Variants in PTPN18 observed in about 807,000 individuals in gnomAD.
PTPN18 encodes the protein tyrosine-protein phosphatase non-receptor type 18.
In PTPN18, 65 loss-of-function variants were observed where a neutral mutation model predicts 65.4. That is an observed-to-expected ratio of 0.99 (90% confidence interval 0.81 to 1.22). PTPN18 has a LOEUF of 1.22. PTPN18 is among the 50% of genes most tolerant of loss of function. PTPN18 has a pLI of 0.00. For missense variants in PTPN18, 616 were observed against 646.5 expected (o/e 0.95, Z 0.51); for synonymous variants, 255 against 267.8 (o/e 0.95, Z 0.47).
chr2:130,358,245 T>C (rs1680055241), intron 1 of PTPN18, among the ~76,000 whole-genome samples: 1 of 152,206 alleles, frequency 6.6e-6, no homozygotes, highest in Admixed American at 6.5e-5. Context: ...TGGCACACAG[T>C]GGTGGCATGG....
intron 5 of PTPN18, among the ~76,000 whole-genome samples, chr2:130,367,050 ATT>A (rs57039741): frequency 0.15 from 16,003 of 103,442 alleles, 1,223 homozygotes; most frequent in East Asian, 0.34. Context: ...GCTAATTTTA[ATT>A]TTTTTTTTTT....
intron 6 of PTPN18, among the ~76,000 whole-genome samples, chr2:130,369,464 C>G (rs1680482542): frequency 6.6e-6 from 1 of 152,158 alleles, no homozygotes; most frequent in Admixed American, 6.5e-5. Flanking sequence ...GCTTGGGGAA[C>G]TCTCTCAAGT....
At chr2:130,369,923 C>G (rs1172115738) in intron 7 of PTPN18, 96 bp downstream of exon 7, 1 of 1,539,740 alleles carries the variant, frequency 6.5e-7, no homozygotes, top group Admixed American at 1.7e-5. Context: ...CCCACTTCCT[C>G]AGTTATTGTC....
At position 130,363,184 on chromosome 2, in the gene PTPN18, C is replaced by T. The variant is rs551262756; in HGVS notation, c.414+3538C>T. Among the ~76,000 whole-genome samples, 524 of 151,514 alleles carry T rather than the reference C, an allele frequency of 3.5e-3. 1 individual carries two copies. Among genetic ancestry groups the T allele is most frequent in the Non-Finnish European group, 5.8e-3 (394 of 67,836 alleles). On this transcript the variant is annotated intron_variant, in intron 5 of 14. Coordinates refer to ENST00000175756, the MANE Select transcript of PTPN18 (RefSeq NM_014369.4). ...AAAATCCAGGCCAGACATGGTGGCT[C>T]ATGCCTGTAATCCCAGCACTTTGGG... is the stretch of plus-strand genomic sequence containing the variant.
At chr2:130,357,219 A>C (rs1680002449) in intron 1 of PTPN18, among the ~76,000 whole-genome samples, 2 of 152,188 alleles carry the variant, frequency 1.3e-5, no homozygotes. Flanking sequence ...CAAACAAAAC[A>C]AAACCAAACA....
rs1680682384 is a variant in PTPN18 at position 130,374,614 on chromosome 2, T to C, written c.*1390T>C. ...CCAAGTCACTGCAAAATGGAAAAAG[T>C]ATAAGATGCTCTTTCCCTGAACCTC... On this transcript the variant is annotated 3_prime_UTR_variant, in exon 15 of 15. Coordinates refer to ENST00000175756, the MANE Select transcript of PTPN18 (RefSeq NM_014369.4). The C allele has an allele frequency of 6.4e-6, 3 of 471,194 alleles. No individual in the cohort carries two copies. Among genetic ancestry groups the C allele is most frequent in the Non-Finnish European group, 1.3e-5 (3 of 227,038 alleles). 29.2% of individuals were successfully genotyped at this position (471,194 alleles called of 1,614,324 possible).
In PTPN18 at chr2:130,369,199, C is replaced by G. The variant is rs137953431; in HGVS notation, c.481C>G (p.Leu161Val). The change falls in exon 6 of 15, where the codon CTG (leucine) becomes GTG (valine). Residue 161 changes from leucine (L) to valine (V), a missense_variant and splice_region_variant. Physicochemically the swap from Leu to Val is conservative, Grantham distance 32. Transcript: ENST00000175756. ...GCAGACTGGGCTTTTCTGCATCACT[C>G]TGGTGAGCTGTGGGAGTTTTCAAGG... ...PLQTGLFCIT[L>V]IKEKWLNEDI... The G allele has an allele frequency of 2.5e-6, 4 of 1,612,480 alleles. No homozygotes were observed. The highest frequency in any genetic ancestry group is 1.1e-5 in the South Asian group (1 of 91,032).
rs144167090 is a variant in PTPN18 at position 130,371,256 on chromosome 2, G to C, written c.982G>C (p.Ala328Pro). 1,397 of 1,608,108 alleles carry C rather than the reference G, an allele frequency of 8.7e-4. 6 individuals are homozygous for C. The highest frequency in any genetic ancestry group is 2.4e-3 in the South Asian group (222 of 90,994). ...CCTCCGGACTCCCCAGGCACTTCTC[G>C]CCATACCCCGCCCACCAGGAGGGGT... ...LFLRTPQALL[A>P]IPRPPGGVLR... is the part of the protein sequence containing the mutation. The change falls in exon 12 of 15, where the codon GCC becomes CCC. Residue 328 changes from alanine (A) to proline (P), a missense_variant. Transcript: ENST00000175756.
chr2:130,372,917 G>A lies in PTPN18; in HGVS notation c.1285G>A (p.Val429Met), dbSNP rs1291708696. 1.6e-5 allele frequency: 26 copies of A among 1,614,060 alleles called. No homozygotes were observed. Among genetic ancestry groups the A allele is most frequent in the Non-Finnish European group, 2.0e-5 (24 of 1,180,042 alleles). ...TGCCGGATCTGGCGCCTACGAGGAC[G>A]TGGCGGGTGGAGCTCAGACCGGTGG... is the stretch of plus-strand genomic sequence containing the variant. The part of the protein sequence containing the change: ...SPAGSGAYED[V>M]AGGAQTGGLG... Residue 429 changes from valine (V) to methionine (M), a missense_variant, in exon 14 of 15, where the codon GTG (valine) becomes ATG (methionine). Physicochemically the swap from Val to Met is conservative, Grantham distance 21. This residue lies in a region of PTPN18 where 368 missense variants were observed against 386.7 expected (regional missense o/e 0.95). Coordinates refer to ENST00000175756, the MANE Select transcript of PTPN18 (RefSeq NM_014369.4).
intron 12 of PTPN18, 134 bp downstream of exon 12, chr2:130,371,421 G>A (rs1322120089): frequency 1.4e-6 from 1 of 732,442 alleles, no homozygotes; most frequent in African/African-American, 1.8e-5. Flanking sequence ...TTGAGCTCTG[G>A]GAACCCACCC....
chr2:130,367,538 G>C (rs1220079104), intron 5 of PTPN18, among the ~76,000 whole-genome samples: 4 of 152,054 alleles, frequency 2.6e-5, no homozygotes, highest in Admixed American at 2.0e-4. Context: ...GTTGGACATG[G>C]TGGTGTGTGT....
chr2:130,372,712 C>T (rs1680615196), intron 13 of PTPN18, 161 bp from the exon 14 acceptor site: 1 of 999,270 alleles, frequency 1.0e-6, no homozygotes, highest in Non-Finnish European at 1.4e-6. Context: ...GTCTTGGCCG[C>T]GCCCAAAGGC....
At chr2:130,366,791 ATTTGTATCACGTTCCT>A (rs1381451081) in intron 5 of PTPN18, among the ~76,000 whole-genome samples, 7 of 122,658 alleles carry the variant, frequency 5.7e-5, no homozygotes, top group African/African-American at 2.2e-4. Context: ...CTGTATTTCC[ATTTGTATCACGTTCCT>A]TTTGTATGCA....
At chr2:130,370,305 C>T (rs1680516630) in intron 8 of PTPN18, 115 bp downstream of exon 8, 1 of 1,464,792 alleles carries the variant, frequency 6.8e-7, no homozygotes, top group Non-Finnish European at 9.3e-7. Flanking sequence ...AGAACCCTTG[C>T]TCACCCTCCA....
chr2:130,369,926 T>C (rs899540342), intron 7 of PTPN18, 99 bp downstream of exon 7: 7 of 1,542,752 alleles, frequency 4.5e-6, no homozygotes, highest in East Asian at 4.5e-5. Context: ...ACTTCCTCAG[T>C]TATTGTCTGG....
Position 130,373,181 on chromosome 2 carries a change from C to G in PTPN18, c.1340C>G (p.Pro447Arg). Residue 447 changes from proline to arginine, a missense_variant, in exon 15 of 15, where the codon CCG becomes CGG. Physicochemically the swap from Pro to Arg is moderately radical, Grantham distance 103. Transcript: ENST00000175756. The surrounding 1 kb of genome is among the most constrained non-coding windows in gnomAD (Gnocchi z 4.1). ...GLGFNLRIGR[P>R]KGPRDPPAEW... Reference sequence around the variant, plus strand: ...GGTTTCAACCTGCGCATTGGGAGGCCGAAGGGTCCCCGGGACCCGCCTGCT... The same window carrying G: ...GGTTTCAACCTGCGCATTGGGAGGCGGAAGGGTCCCCGGGACCCGCCTGCT... 1 of 1,601,018 alleles carries G rather than the reference C, an allele frequency of 6.2e-7. No homozygotes were observed. The highest frequency in any genetic ancestry group is 8.5e-7 in the Non-Finnish European group (1 of 1,173,520).
Position 130,374,636 on chromosome 2 carries a change from C to T in PTPN18, c.*1412C>T, listed in dbSNP as rs1325027600. On this transcript the variant is annotated 3_prime_UTR_variant, in exon 15 of 15. Coordinates refer to ENST00000175756, the MANE Select transcript of PTPN18 (RefSeq NM_014369.4). ...AAGTATAAGATGCTCTTTCCCTGAA[C>T]CTCAAGGGTCCCGCCCCTCTCACTT... is the stretch of plus-strand genomic sequence containing the variant. 1 of 471,274 alleles carries T rather than the reference C, an allele frequency of 2.1e-6. No individual in the cohort carries two copies. The highest frequency in any genetic ancestry group is 4.4e-6 in the Non-Finnish European group (1 of 227,114). 29.2% of individuals were successfully genotyped at this position (471,274 alleles called of 1,614,324 possible). A position where few individuals can be genotyped will look rare whatever the true frequency, so the allele number is the denominator to read the frequency against.
rs200795864 is a variant in PTPN18 at position 130,356,175 on chromosome 2, G to C, written c.68G>C (p.Gly23Ala). The C allele has an allele frequency of 2.1e-3, 2,809 of 1,316,858 alleles. 50 individuals are homozygous for C. In the African/African-American group the frequency reaches 0.037, roughly 18 times the overall value. The allele number at this position is 1,316,858 out of a possible 1,614,324, so 81.6% of individuals were successfully genotyped here. The part of the protein sequence containing the change: ...ERLEARGGRE[G>A]AVLAGEFSDI... ...CTGGAAGCGCGGGGCGGCCGGGAGG[G>C]GGCAGTCCTCGCCGGCGAGTTCAGC... Residue 23 changes from glycine to alanine, a missense_variant, in exon 1 of 15, where the codon GGG (glycine) becomes GCG (alanine). Physicochemically the swap from Gly to Ala is moderately conservative, Grantham distance 60 (BLOSUM62 0). This residue lies in a region of PTPN18 where 223 missense variants were observed against 210.0 expected (regional missense o/e 1.06). Transcript: ENST00000175756.
chr2:130,373,123 C>T lies in PTPN18; in HGVS notation c.1316-34C>T. ...TGCCAGCTTCCACACACCTCAGCTT[C>T]TCCATGAGACCCACGGCACCCTTCT... On this transcript the variant is annotated intron_variant, in intron 14 of 14. Coordinates refer to ENST00000175756, the MANE Select transcript of PTPN18 (RefSeq NM_014369.4). The surrounding 1 kb of genome is among the most constrained non-coding windows in gnomAD (Gnocchi z 4.1). The T allele has an allele frequency of 1.9e-6, 3 of 1,555,328 alleles. No individual in the cohort carries two copies. The highest frequency in any genetic ancestry group is 1.2e-5 in the South Asian group (1 of 82,786).
Sources: allele counts gnomAD v4.1 joint callset (sites outside exome capture counted in the v4.1 genomes callset), GRCh38; gene constraint gnomAD v4.1.1; regional missense constraint gnomAD v4.1.1; non-coding constraint Gnocchi (gnomAD v3.1); transcripts MANE v1.5; gene names NCBI Gene and HGNC (gene_info 2026-07-23, HGNC 2026-07-21).